The following RALGPS2 variants were observed in gnomAD, a reference collection of about 807,000 sequenced individuals.
RALGPS2 encodes the protein ras-specific guanine nucleotide-releasing factor RalGPS2.
A neutral mutation model predicts 86.8 loss-of-function variants in RALGPS2; 43 were observed. The ratio of observed to expected loss-of-function variants is 0.50; its 90% CI spans 0.39 to 0.64. The LOEUF (loss-of-function observed/expected upper bound fraction) is 0.64. Ranked by LOEUF, RALGPS2 falls within the 30% of genes least tolerant of loss-of-function variation. The probability of loss-of-function intolerance (pLI) is 0.00; values close to 1 mark genes in which losing one functional copy is unlikely to be tolerated. For synonymous variants in RALGPS2, 243 were observed against 231.3 expected (o/e 1.05, Z -0.46); for missense variants, 536 against 694.6 (o/e 0.77, Z 2.57).
At chr1:178,844,528 C>G (rs1487109840) in intron 8 of RALGPS2, among the ~76,000 whole-genome samples, 1 of 152,076 alleles carries the variant, frequency 6.6e-6, no homozygotes, top group Non-Finnish European at 1.5e-5. Flanking sequence ...GGTTTGCATT[C>G]AAGGTAAAAA....
intron 8 of RALGPS2, among the ~76,000 whole-genome samples, chr1:178,844,210 CAGAGGTTATTATGGAA>C (rs1352131723): frequency 2.0e-5 from 3 of 152,126 alleles, no homozygotes; most frequent in Non-Finnish European, 4.4e-5. Flanking sequence ...ATTATGTCTG[CAGAGGTTATTATGGAA>C]AGAATATATC....
At chr1:178,798,939 A>G (rs747550318) in intron 4 of RALGPS2, among the ~76,000 whole-genome samples, 9 of 152,182 alleles carry the variant, frequency 5.9e-5, no homozygotes, top group African/African-American at 9.7e-5. Context: ...TGTCAGGATA[A>G]CAGGAGAAGC....
chr1:178,812,025 CCT>C (rs1239362550), intron 6 of RALGPS2, among the ~76,000 whole-genome samples: 4 of 152,062 alleles, frequency 2.6e-5, no homozygotes, highest in Non-Finnish European at 5.9e-5. Context: ...TGAGCCCTTC[CCT>C]CTCCATCATG....
Position 178,737,368 on chromosome 1 carries a change from C to T in RALGPS2, c.-84+11949C>T, listed in dbSNP as rs142986210. On this transcript the variant is annotated intron_variant, in intron 1 of 19. Coordinates refer to ENST00000367635, the MANE Select transcript of RALGPS2 (RefSeq NM_152663.5). Reference sequence around the variant, plus strand: ...TTCAAGCAATTCTCTGCCTCAGCCTCGCGAGTAGCTGGGATTACAGGCGCC... The same window carrying T: ...TTCAAGCAATTCTCTGCCTCAGCCTTGCGAGTAGCTGGGATTACAGGCGCC... 8.5e-5 allele frequency among the ~76,000 whole-genome samples: 13 copies of T among 152,274 alleles called. No individual in the cohort carries two copies. In the South Asian group the frequency reaches 2.1e-3, roughly 24 times the overall value.
At chr1:178,910,631 T>G (rs755827671) in intron 19 of RALGPS2, among the ~76,000 whole-genome samples, 2 of 152,218 alleles carry the variant, frequency 1.3e-5, no homozygotes, top group Non-Finnish European at 2.9e-5. Context: ...TGTGGTGAAT[T>G]AACTTTCTGA....
At position 178,918,439 on chromosome 1, in the gene RALGPS2, T is replaced by G. The variant is rs933719267; in HGVS notation, c.*2080T>G. On this transcript the variant is annotated 3_prime_UTR_variant, in exon 20 of 20. Transcript: ENST00000367635. ...TCATAATAAGCTAACGTAGAAATGTTGTAGGTTAACCATATCTGTGGAAAT... is the reference window on the plus strand; with the variant it reads ...TCATAATAAGCTAACGTAGAAATGTGGTAGGTTAACCATATCTGTGGAAAT... 6.6e-6 allele frequency: 1 copy of G among 152,172 alleles called. No homozygotes were observed. Among genetic ancestry groups the G allele is most frequent in the Non-Finnish European group, 1.5e-5 (1 of 67,982 alleles). The allele number at this position is 152,172 out of a possible 1,614,324, so 9.4% of individuals were successfully genotyped here.
chr1:178,814,446 T>G (rs538248930), intron 6 of RALGPS2, among the ~76,000 whole-genome samples: 2 of 152,084 alleles, frequency 1.3e-5, no homozygotes. Flanking sequence ...CTCTCTCTCT[T>G]TTTTTAGACA....
At chr1:178,859,651 A>C (rs1657829501) in intron 8 of RALGPS2, among the ~76,000 whole-genome samples, 2 of 149,946 alleles carry the variant, frequency 1.3e-5, no homozygotes, top group South Asian at 4.2e-4. Flanking sequence ...CAAAATATGC[A>C]ATGATTAATG....
At chr1:178,754,757 ACTC>A (rs1484049885) in intron 1 of RALGPS2, among the ~76,000 whole-genome samples, 4 of 151,384 alleles carry the variant, frequency 2.6e-5, no homozygotes, top group Admixed American at 6.6e-5. Context: ...AAAATAGAGA[ACTC>A]CTATATACCT....
At chr1:178,768,946 A>G (rs1424475513) in intron 1 of RALGPS2, among the ~76,000 whole-genome samples, 1 of 152,126 alleles carries the variant, frequency 6.6e-6, no homozygotes, top group Non-Finnish European at 1.5e-5. Context: ...ATAGCCACCC[A>G]TGCACCAGGA....
At chr1:178,914,251 T>G (rs965621037) in intron 19 of RALGPS2, among the ~76,000 whole-genome samples, 1 of 152,076 alleles carries the variant, frequency 6.6e-6, no homozygotes, top group African/African-American at 2.4e-5. Flanking sequence ...CCCCACACCA[T>G]ACCCCCTGGG....
At chr1:178,745,557 C>CA (rs1462571315) in intron 1 of RALGPS2, among the ~76,000 whole-genome samples, 1 of 152,144 alleles carries the variant, frequency 6.6e-6, no homozygotes, top group African/African-American at 2.4e-5. Flanking sequence ...AATGCTGGCA[C>CA]AAAATGGATA....
intron 8 of RALGPS2, among the ~76,000 whole-genome samples, chr1:178,856,144 G>A (rs1478403262): frequency 6.9e-6 from 1 of 145,496 alleles, no homozygotes; most frequent in Non-Finnish European, 1.5e-5. Context: ...ACTATAAGGA[G>A]AATAGGATTG....
At chr1:178,864,966 A>G in intron 8 of RALGPS2, 1 of 1,452,630 alleles carries the variant, frequency 6.9e-7, no homozygotes, top group Non-Finnish European at 9.1e-7. Context: ...TCATTGATGA[A>G]AGTTACCGGT....
intron 1 of RALGPS2, among the ~76,000 whole-genome samples, chr1:178,727,768 T>C (rs1650110034): frequency 6.6e-6 from 1 of 152,090 alleles, no homozygotes; most frequent in African/African-American, 2.4e-5. Context: ...TGCACATGTG[T>C]ATTGGGTACC....
Position 178,917,081 on chromosome 1 carries a change from C to G in RALGPS2, c.*722C>G, listed in dbSNP as rs1441926000. 3 of 152,040 alleles carry G rather than the reference C, an allele frequency of 2.0e-5. No homozygotes were observed. Among genetic ancestry groups the G allele is most frequent in the Admixed American group, 6.6e-5 (1 of 15,256 alleles). The allele number at this position is 152,040 out of a possible 1,614,324, so 9.4% of individuals were successfully genotyped here. On this transcript the variant is annotated 3_prime_UTR_variant, in exon 20 of 20. Coordinates refer to ENST00000367635, the MANE Select transcript of RALGPS2 (RefSeq NM_152663.5). ...TTATTTCCTGCAGGAGGTACAAAGG[C>G]TGTGTGTTCATTTGCCAGACGCTTT...
intron 8 of RALGPS2, among the ~76,000 whole-genome samples, chr1:178,848,023 T>C (rs1347121171): frequency 1.3e-5 from 2 of 152,156 alleles, no homozygotes; most frequent in Non-Finnish European, 2.9e-5. Context: ...ATTAACTTAT[T>C]CTTGACTGGA....
intron 8 of RALGPS2, among the ~76,000 whole-genome samples, chr1:178,871,713 A>T (rs114725252): frequency 6.6e-6 from 1 of 152,280 alleles, no homozygotes; most frequent in Non-Finnish European, 1.5e-5. Flanking sequence ...ATATCCTCCT[A>T]TTCTACAAAA....
At chr1:178,750,884 T>C (rs1651614958) in intron 1 of RALGPS2, among the ~76,000 whole-genome samples, 1 of 152,164 alleles carries the variant, frequency 6.6e-6, no homozygotes, top group Non-Finnish European at 1.5e-5. Context: ...TATTCCTGAG[T>C]CCCTTTGAAA....
Sources: allele counts gnomAD v4.1 joint callset (sites outside exome capture counted in the v4.1 genomes callset), GRCh38; gene constraint gnomAD v4.1.1; transcripts MANE v1.5; gene names NCBI Gene and HGNC (gene_info 2026-07-23, HGNC 2026-07-21).